The following FRMD4B variants were observed in gnomAD, a reference collection of about 807,000 sequenced individuals.
The protein encoded by FRMD4B is FERM domain containing 4B, also known as FERM domain-containing protein 4B.
Under a neutral mutation model 141.5 loss-of-function variants are expected in FRMD4B, and 74 were observed. That is an observed-to-expected ratio of 0.52 (90% confidence interval 0.43 to 0.63). FRMD4B has a LOEUF of 0.63. Ranked by LOEUF, FRMD4B falls within the 30% of genes least tolerant of loss-of-function variation. FRMD4B has a pLI of 0.00. For missense variants in FRMD4B, 1,366 were observed against 1,253.4 expected (o/e 1.09, Z -1.36); for synonymous variants, 506 against 467.9 (o/e 1.08, Z -1.05).
At chr3:69,309,981 G>C (rs1203336928) in intron 3 of FRMD4B, among the ~76,000 whole-genome samples, 1 of 152,168 alleles carries the variant, frequency 6.6e-6, no homozygotes, top group Non-Finnish European at 1.5e-5. Flanking sequence ...TGCTGGCTAT[G>C]CATGTCGGCA....
At chr3:69,455,114 G>T (rs927299515) in intron 1 of FRMD4B, among the ~76,000 whole-genome samples, 3 of 152,134 alleles carry the variant, frequency 2.0e-5, no homozygotes, top group African/African-American at 7.2e-5. Flanking sequence ...GCACCAATCA[G>T]CACCCTATCA....
intron 1 of FRMD4B, among the ~76,000 whole-genome samples, chr3:69,481,426 C>A (rs557008571): frequency 1.3e-5 from 2 of 152,276 alleles, no homozygotes; most frequent in African/African-American, 2.4e-5. Context: ...ATATAATGAT[C>A]ATTTGTTACC....
At position 69,306,926 on chromosome 3, in the gene FRMD4B, C is replaced by A. The variant is rs562718968; in HGVS notation, c.323+4337G>T. On this transcript the variant is annotated intron_variant, in intron 3 of 22. Transcript: ENST00000398540. Reference sequence around the variant, plus strand: ...GAAAATACTTTCCAAAAATATTTACCAAAGAAAAAGAACTAGGCTTGTGAC... The same window carrying A: ...GAAAATACTTTCCAAAAATATTTACAAAAGAAAAAGAACTAGGCTTGTGAC... Among the ~76,000 whole-genome samples, 276 of 152,080 alleles carry A rather than the reference C, an allele frequency of 1.8e-3. 1 individual carries two copies. Among genetic ancestry groups the A allele is most frequent in the African/African-American group, 6.5e-3 (269 of 41,472 alleles).
chr3:69,384,484 G>A (rs1410222237), intron 1 of FRMD4B, among the ~76,000 whole-genome samples: 2 of 151,964 alleles, frequency 1.3e-5, no homozygotes, highest in African/African-American at 4.8e-5. Context: ...TTTCCCAAGA[G>A]AGGAAAAAAA....
chr3:69,526,008 C>G (rs75728021), intron 1 of FRMD4B, among the ~76,000 whole-genome samples: 1 of 152,126 alleles, frequency 6.6e-6, no homozygotes, highest in African/African-American at 2.4e-5. Flanking sequence ...GCATCCCTCC[C>G]ACTCCTTTGT....
chr3:69,189,288 T>C (rs1215259633), intron 18 of FRMD4B, among the ~76,000 whole-genome samples: 1 of 148,984 alleles, frequency 6.7e-6, no homozygotes, highest in East Asian at 2.0e-4. Flanking sequence ...ATACAGGCCA[T>C]TACAATCGAT....
chr3:69,284,076 G>A (rs1456096223), intron 5 of FRMD4B, among the ~76,000 whole-genome samples: 1 of 152,096 alleles, frequency 6.6e-6, no homozygotes, highest in Non-Finnish European at 1.5e-5. Flanking sequence ...CGAGCCCTAT[G>A]ACTGCCCCCA....
chr3:69,274,708 G>A (rs1473762149), intron 5 of FRMD4B, among the ~76,000 whole-genome samples: 1 of 151,912 alleles, frequency 6.6e-6, no homozygotes, highest in Admixed American at 6.6e-5. Flanking sequence ...TAGTAGAGAC[G>A]GGGTTTTACC....
chr3:69,343,946 G>A (rs1247246466), intron 1 of FRMD4B, among the ~76,000 whole-genome samples: 1 of 152,144 alleles, frequency 6.6e-6, no homozygotes, highest in Non-Finnish European at 1.5e-5. Context: ...GCTTGTAAGA[G>A]CTATTTATAT....
chr3:69,294,260 T>C (rs1700970100), intron 4 of FRMD4B, among the ~76,000 whole-genome samples: 1 of 152,206 alleles, frequency 6.6e-6, no homozygotes, highest in African/African-American at 2.4e-5. Context: ...CTAGGTAGAT[T>C]TCTATCAGAT....
intron 1 of FRMD4B, among the ~76,000 whole-genome samples, chr3:69,508,386 A>C (rs1031691742): frequency 1.3e-5 from 2 of 152,200 alleles, no homozygotes. Context: ...AACAGGTTTC[A>C]ATCGCATAAC....
In FRMD4B at chr3:69,260,658, G is replaced by A. The variant is rs139739286; in HGVS notation, c.502-10559C>T. Among the ~76,000 whole-genome samples, 1,375 of 152,344 alleles carry A rather than the reference G, an allele frequency of 9.0e-3. 20 individuals carry two copies. Among genetic ancestry groups the A allele is most frequent in the African/African-American group, 0.031 (1,304 of 41,586 alleles). ...TGCAGGCGCGTGGTGCGGGACTGGC[G>A]GGAAACTCTGCCCGCAGCCCCAGCA... On this transcript the variant is annotated intron_variant, in intron 5 of 22. Transcript: ENST00000398540.
Position 69,509,569 on chromosome 3 carries a change from G to C in FRMD4B, c.-129+32637C>G, listed in dbSNP as rs535092047. Reference sequence around the variant, plus strand: ...TGATGAAAGAGTTCTCAGAAACGTGGGTCTAAATTTGATTCTAGTCCTGAG... The same window carrying C: ...TGATGAAAGAGTTCTCAGAAACGTGCGTCTAAATTTGATTCTAGTCCTGAG... On this transcript the variant is annotated intron_variant, in intron 1 of 5. Transcript: ENST00000459638. 2.0e-5 allele frequency among the ~76,000 whole-genome samples: 3 copies of C among 152,146 alleles called. No individual in the cohort carries two copies. In the South Asian group the frequency reaches 6.2e-4, roughly 32 times the overall value.
chr3:69,375,203 TCATCCATCCACCCCATCCCATC>T (rs1370416346), intron 1 of FRMD4B, among the ~76,000 whole-genome samples: 1,686 of 137,176 alleles, frequency 0.012, 75 homozygotes, highest in African/African-American at 0.038. Context: ...ATCCATCCAT[TCATCCATCCACCCCATCCCATC>T]CATCCATCCA....
intron 1 of FRMD4B, among the ~76,000 whole-genome samples, chr3:69,456,510 A>T (rs1705617114): frequency 6.6e-6 from 1 of 152,128 alleles, no homozygotes; most frequent in Non-Finnish European, 1.5e-5. Flanking sequence ...TGCAAAAGTT[A>T]TGCTACACTA....
chr3:69,448,724 G>A (rs1268123568), intron 1 of FRMD4B, among the ~76,000 whole-genome samples: 2 of 152,126 alleles, frequency 1.3e-5, no homozygotes, highest in Non-Finnish European at 2.9e-5. Flanking sequence ...TCTCGTGCAA[G>A]CGTTTACTTT....
chr3:69,251,104 A>T (rs2093461475), intron 5 of FRMD4B, among the ~76,000 whole-genome samples: 1 of 152,166 alleles, frequency 6.6e-6, no homozygotes, highest in African/African-American at 2.4e-5. Context: ...TCTTTATTTT[A>T]AAAAAAGGTT....
Position 69,540,660 on chromosome 3 carries a change from T to TATATATACAC in FRMD4B, c.-129+1545_-129+1546insGTGTATATAT, listed in dbSNP as rs1241897477. On this transcript the variant is annotated intron_variant, in intron 1 of 5. Coordinates refer to the FRMD4B transcript ENST00000459638. ...AAATATATATATATATATATATATA[T>TATATATACAC]ACACACACACACACACACACACACA... 3.3e-4 allele frequency among the ~76,000 whole-genome samples: 19 copies of TATATATACAC among 56,862 alleles called. 1 individual carries two copies. The highest frequency in any genetic ancestry group is 1.8e-3 in the African/African-American group (17 of 9,676). 37.3% of individuals were successfully genotyped at this position (56,862 alleles called of 152,430 possible).
chr3:69,321,216 C>G (rs921815976), intron 1 of FRMD4B, among the ~76,000 whole-genome samples: 7 of 152,080 alleles, frequency 4.6e-5, no homozygotes, highest in African/African-American at 1.4e-4. Flanking sequence ...TGGAACCACT[C>G]ATAACAACGG....
Sources: allele counts gnomAD v4.1 joint callset (sites outside exome capture counted in the v4.1 genomes callset), GRCh38; gene constraint gnomAD v4.1.1; transcripts MANE v1.5; gene names NCBI Gene and HGNC (gene_info 2026-07-23, HGNC 2026-07-21).